RARB: variants seen among roughly 807,000 people sequenced by gnomAD.
RARB encodes the protein retinoic acid receptor beta, also known as HBV-activated protein.
RARB carries 17 observed loss-of-function variants against 51.9 expected under a neutral mutation model. The ratio of observed to expected loss-of-function variants is 0.33; its 90% confidence interval spans 0.22 to 0.49. The LOEUF (loss-of-function observed/expected upper bound fraction) is 0.49. RARB is among the 20% of genes least tolerant of loss of function. The pLI, the probability that RARB is intolerant of heterozygous loss-of-function variation, is 0.99. For missense variants in RARB, 369 were observed against 550.8 expected, an observed-to-expected ratio of 0.67 and a Z score of 3.30; for synonymous variants, 215 against 195.4, an observed-to-expected ratio of 1.10 and a Z score of -0.84.
Position 25,039,693 on chromosome 3 carries a change from T to A in RARB, c.-379-20432T>A, listed in dbSNP as rs918870566. On this transcript the variant is annotated intron_variant, in intron 2 of 11. Coordinates refer to the RARB transcript ENST00000383772. ...AAGCTTTTTTCTTTGCCTCTTTTAT[T>A]GTAATAAATTTGGAGGTAGAACTTT... 3.9e-5 allele frequency among the ~76,000 whole-genome samples: 6 copies of A among 152,210 alleles called. No individual in the cohort carries two copies. The East Asian group carries it at 5.8e-4, about 15-fold the overall frequency.
intron 5 of RARB, among the ~76,000 whole-genome samples, chr3:25,211,511 A>G (rs1701697393): frequency 6.6e-6 from 1 of 152,260 alleles, no homozygotes; most frequent in African/African-American, 2.4e-5. Context: ...AAAGATCAAT[A>G]ACACCAAAAA....
chr3:25,205,924 A>T (rs964435138), intron 5 of RARB, among the ~76,000 whole-genome samples: 2 of 151,956 alleles, frequency 1.3e-5, no homozygotes, highest in African/African-American at 4.8e-5. Context: ...TTTTTCTTCT[A>T]CAAAAACAAC....
intron 1 of RARB, among the ~76,000 whole-genome samples, chr3:25,435,436 C>T (rs1708393376): frequency 6.6e-6 from 1 of 152,108 alleles, no homozygotes; most frequent in Non-Finnish European, 1.5e-5. Flanking sequence ...GGCTACAGTA[C>T]CTTTGTCATG....
intron 3 of RARB, among the ~76,000 whole-genome samples, chr3:25,525,549 T>C: frequency 6.7e-6 from 1 of 148,206 alleles, no homozygotes; most frequent in South Asian, 2.1e-4. Flanking sequence ...GCACTTACTA[T>C]GTAGACTTTC....
chr3:25,196,207 C>T (rs557293596), intron 5 of RARB, among the ~76,000 whole-genome samples: 6 of 152,078 alleles, frequency 3.9e-5, no homozygotes, highest in Middle Eastern at 6.8e-3. Flanking sequence ...ACTCCTAATA[C>T]TACCCCTCCC....
At chr3:25,340,534 C>T (rs146264025) in intron 5 of RARB, among the ~76,000 whole-genome samples, 1 of 152,256 alleles carries the variant, frequency 6.6e-6, no homozygotes, top group African/African-American at 2.4e-5. Context: ...GCAGCATGGA[C>T]ATGTGAATTA....
intron 5 of RARB, among the ~76,000 whole-genome samples, chr3:25,288,507 C>A (rs1703709299): frequency 6.6e-6 from 1 of 152,154 alleles, no homozygotes; most frequent in Non-Finnish European, 1.5e-5. Flanking sequence ...CAAATCCCAG[C>A]TGCATTCATT....
chr3:25,003,459 G>C (rs917787536), intron 2 of RARB, among the ~76,000 whole-genome samples: 1 of 152,038 alleles, frequency 6.6e-6, no homozygotes, highest in Admixed American at 6.6e-5. Flanking sequence ...TTCTACTTTT[G>C]TCAGATATAT....
intron 1 of RARB, among the ~76,000 whole-genome samples, chr3:24,831,965 A>AG (rs1398136319): frequency 6.6e-6 from 1 of 152,212 alleles, no homozygotes; most frequent in Non-Finnish European, 1.5e-5. Flanking sequence ...AGAAGGAAGG[A>AG]GTTTATTGGA....
At chr3:25,340,341 C>A (rs969034101) in intron 5 of RARB, among the ~76,000 whole-genome samples, 2 of 152,122 alleles carry the variant, frequency 1.3e-5, no homozygotes. Context: ...AATGTAAGTT[C>A]AATTTCCCAT....
chr3:25,525,919 G>T (rs935722715), intron 3 of RARB, among the ~76,000 whole-genome samples: 1 of 152,204 alleles, frequency 6.6e-6, no homozygotes, highest in Non-Finnish European at 1.5e-5. Context: ...CAGTTGCAAA[G>T]CTCTGAGCTG....
chr3:24,899,374 G>A (rs1703547899), intron 2 of RARB, among the ~76,000 whole-genome samples: 1 of 152,180 alleles, frequency 6.6e-6, no homozygotes, highest in South Asian at 2.1e-4. Context: ...GCCTAGAATA[G>A]GTACTCAGTT....
At chr3:25,352,666 T>C (rs1705611468) in intron 5 of RARB, among the ~76,000 whole-genome samples, 4 of 152,224 alleles carry the variant, frequency 2.6e-5, no homozygotes, top group Non-Finnish European at 5.9e-5. Flanking sequence ...AATGGACCTA[T>C]ATCATGTCAG....
At chr3:24,881,339 G>C (rs1703155091) in intron 2 of RARB, among the ~76,000 whole-genome samples, 1 of 152,132 alleles carries the variant, frequency 6.6e-6, no homozygotes, top group Non-Finnish European at 1.5e-5. Context: ...AGTGAAGTCT[G>C]AGATCAAAAT....
chr3:25,264,429 G>C (rs1215790677), intron 5 of RARB, among the ~76,000 whole-genome samples: 1 of 152,122 alleles, frequency 6.6e-6, no homozygotes, highest in Non-Finnish European at 1.5e-5. Context: ...AATGCCACTT[G>C]AATTCAGTGA....
At chr3:25,436,118 T>C (rs1483136284) in intron 1 of RARB, among the ~76,000 whole-genome samples, 5 of 152,250 alleles carry the variant, frequency 3.3e-5, no homozygotes. Context: ...TGCTTTTTTA[T>C]GGCCACATCT....
intron 5 of RARB, among the ~76,000 whole-genome samples, chr3:25,399,378 G>T (rs185867119): frequency 4.6e-5 from 7 of 152,306 alleles, no homozygotes; most frequent in African/African-American, 1.7e-4. Flanking sequence ...GAGTAGCCAT[G>T]TGACACAGTC....
chr3:25,226,745 A>G (rs1702064780), intron 5 of RARB, among the ~76,000 whole-genome samples: 1 of 152,112 alleles, frequency 6.6e-6, no homozygotes, highest in African/African-American at 2.4e-5. Flanking sequence ...GTCCTTTCCT[A>G]TCAGGCTGCT....
At chr3:25,203,398 GT>G (rs1473747962) in intron 5 of RARB, among the ~76,000 whole-genome samples, 1 of 152,174 alleles carries the variant, frequency 6.6e-6, no homozygotes, top group East Asian at 1.9e-4. Flanking sequence ...TTGCCAGTCT[GT>G]GTCTTTTAAT....
Sources: gnomAD v4.1 joint callset for allele counts (sites outside exome capture counted in the v4.1 genomes callset) on GRCh38, gnomAD v4.1.1 for gene constraint, MANE v1.5 for transcripts, NCBI Gene and HGNC (gene_info 2026-07-23, HGNC 2026-07-21) for gene names.